Variants in DNAH9 observed in about 807,000 individuals in gnomAD.
DNAH9 encodes the protein DNAH9 variant protein.
A neutral mutation model predicts 471.6 loss-of-function variants in DNAH9; 345 were observed. The ratio of observed to expected loss-of-function variants is 0.73; its 90% CI spans 0.67 to 0.80. The LOEUF is 0.80. Ranked by LOEUF, DNAH9 falls within the 30% of genes least tolerant of loss-of-function variation. DNAH9 has a pLI of 0.00. For synonymous variants in DNAH9, 2,093 were observed against 2,123.6 expected (o/e 0.99, Z 0.40); for missense variants, 5,407 against 5,609.2 (o/e 0.96, Z 1.15).
intron 6 of DNAH9, 64 bp from the exon 7 acceptor site, chr17:11,629,353 G>T (rs1197510202): frequency 5.5e-6 from 8 of 1,446,340 alleles, no homozygotes; most frequent in African/African-American, 1.4e-5. Context: ...GCGGTGTTTG[G>T]TTTTTTGTCC....
chr17:11,869,014 T>C (rs1972163410), intron 50 of DNAH9, 120 bp from the exon 51 acceptor site: 1 of 1,211,218 alleles, frequency 8.3e-7, no homozygotes. Context: ...CCTGGTCCCA[T>C]AGGAATGCCC....
At chr17:11,609,372 C>T (rs926346706) in intron 2 of DNAH9, among the ~76,000 whole-genome samples, 10 of 152,046 alleles carry the variant, frequency 6.6e-5, no homozygotes, top group African/African-American at 1.9e-4. Flanking sequence ...TTCAAACTAC[C>T]CCTTTTCTAG....
In DNAH9 at chr17:11,679,983, A is replaced by C. The variant is rs775795034; in HGVS notation, c.3576+4A>C. 1.9e-6 allele frequency: 3 copies of C among 1,609,068 alleles called. No individual in the cohort carries two copies. In the South Asian group the frequency reaches 3.3e-5, roughly 18 times the overall value. On this transcript the variant is annotated splice_donor_region_variant and intron_variant, in intron 18 of 68. Transcript: ENST00000262442. The stretch of plus-strand genomic sequence containing the variant: ...AACAGTGTTTAAGCAGCTGGAGGTC[A>C]GTGCATTTATGTCTTCCTTATAAAA...
At chr17:11,824,405 A>C (rs1970417998) in intron 48 of DNAH9, among the ~76,000 whole-genome samples, 2 of 152,286 alleles carry the variant, frequency 1.3e-5, no homozygotes, top group East Asian at 3.9e-4. Flanking sequence ...GAGCCCTCGC[A>C]ATCTGTACAC....
At position 11,769,348 on chromosome 17, in the gene DNAH9, C is replaced by T; in HGVS notation, c.7552+19C>T. Reference sequence around the variant, plus strand: ...CTGCAGGGTAAGCAGCCCAGGGCACCTGGGGTGGGGGGCATCTGGGTGGCC... The same window carrying T: ...CTGCAGGGTAAGCAGCCCAGGGCACTTGGGGTGGGGGGCATCTGGGTGGCC... On this transcript the variant is annotated intron_variant, in intron 38 of 68. Transcript: ENST00000262442. The T allele has an allele frequency of 6.3e-7, 1 of 1,593,974 alleles. No homozygotes were observed. The highest frequency in any genetic ancestry group is 1.1e-5 in the South Asian group (1 of 88,988).
intron 49 of DNAH9, among the ~76,000 whole-genome samples, chr17:11,843,088 A>G (rs78032366): frequency 3.9e-5 from 6 of 152,198 alleles, no homozygotes; most frequent in African/African-American, 7.2e-5. Context: ...ATTCCATCTA[A>G]TGACAGAATC....
At chr17:11,678,924 T>C (rs1280195065) in intron 17 of DNAH9, among the ~76,000 whole-genome samples, 1 of 152,166 alleles carries the variant, frequency 6.6e-6, no homozygotes, top group Non-Finnish European at 1.5e-5. Context: ...TTTTTCCTTT[T>C]TTCTCTTTCT....
intron 20 of DNAH9, 137 bp downstream of exon 20, chr17:11,690,573 A>G (rs1403023631): frequency 9.1e-6 from 7 of 769,252 alleles, no homozygotes. Context: ...CTTCCCACAG[A>G]TGCTCACCTT....
At chr17:11,687,180 T>C (rs1035158210) in intron 19 of DNAH9, among the ~76,000 whole-genome samples, 3 of 152,090 alleles carry the variant, frequency 2.0e-5, no homozygotes, top group African/African-American at 4.8e-5. Context: ...TGTTCTGAAA[T>C]ATGTGGGAGC....
rs968776555 is a variant in DNAH9, at chr17:11,962,084, C to T, written c.13061C>T (p.Ser4354Leu). The T allele has an allele frequency of 3.7e-6, 6 of 1,614,046 alleles. No homozygotes were observed. The highest frequency in any genetic ancestry group is 1.6e-4 in the Middle Eastern group (1 of 6,084). Residue 4354 changes from serine to leucine, a missense_variant, in exon 68 of 69, where the codon TCG becomes TTG. Ser to Leu is a moderately radical substitution (Grantham distance 145). Transcript: ENST00000262442. This position sits in a 1 kb window ranked among gnomAD's most constrained non-coding sequence, Gnocchi z 4.1. The stretch of plus-strand genomic sequence containing the variant: ...CTGACAGGCTTCTTCAACCCCCAGT[C>T]GTTCCTGACTGCCATCATGCAGTCC... ...VWLTGFFNPQ[S>L]FLTAIMQSTA... is the part of the protein sequence containing the mutation.
At chr17:11,903,860 A>C (rs1026806544) in intron 60 of DNAH9, among the ~76,000 whole-genome samples, 4 of 151,960 alleles carry the variant, frequency 2.6e-5, no homozygotes, top group African/African-American at 9.7e-5. Flanking sequence ...GCAGTGAGCC[A>C]AGATTGCACC....
intron 32 of DNAH9, among the ~76,000 whole-genome samples, chr17:11,751,527 A>G (rs1197087009): frequency 2.0e-5 from 3 of 152,084 alleles, no homozygotes; most frequent in Non-Finnish European, 4.4e-5. Flanking sequence ...GATACTTAAA[A>G]TGCAATTCAT....
In DNAH9 at chr17:11,839,287, C is replaced by T. The variant is rs937711730; in HGVS notation, c.9507+4389C>T. ...ATCCCAGCACTTTGGGAGGCCGAGG[C>T]GGGCGGATCACGAGGTCAGGAGATC... On this transcript the variant is annotated intron_variant, in intron 49 of 68. Coordinates refer to ENST00000262442, the MANE Select transcript of DNAH9 (RefSeq NM_001372.4). Among the ~76,000 whole-genome samples, 20 of 152,126 alleles carry T rather than the reference C, an allele frequency of 1.3e-4. 1 individual carries two copies. The East Asian group carries it at 2.9e-3, about 22-fold the overall frequency.
chr17:11,705,394 CG>C, intron 26 of DNAH9: 1 of 519,610 alleles, frequency 1.9e-6, no homozygotes, highest in Non-Finnish European at 3.4e-6. Flanking sequence ...ATCAATGAGC[CG>C]TGACTTTTTG....
intron 48 of DNAH9, among the ~76,000 whole-genome samples, chr17:11,824,008 C>T (rs1049942469): frequency 6.6e-6 from 1 of 151,982 alleles, no homozygotes; most frequent in Non-Finnish European, 1.5e-5. Context: ...CTGTTTACTT[C>T]TCCAAATGGA....
chr17:11,957,811 A>G (rs1975732877), intron 67 of DNAH9, among the ~76,000 whole-genome samples: 2 of 152,150 alleles, frequency 1.3e-5, no homozygotes, highest in Admixed American at 6.5e-5. Flanking sequence ...CTTGGTTGTG[A>G]TATTGTACTA....
Position 11,636,802 on chromosome 17 carries a change from G to A in DNAH9, c.1786+18G>A. ...AGAACTTGGTAGGCTTGTTAAAGGGGATTTTGATGGGGACATTCTGTTACT... is the reference window on the plus strand; with the variant it reads ...AGAACTTGGTAGGCTTGTTAAAGGGAATTTTGATGGGGACATTCTGTTACT... On this transcript the variant is annotated intron_variant, in intron 9 of 68. Transcript: ENST00000262442. 2 of 1,611,312 alleles carry A rather than the reference G, an allele frequency of 1.2e-6. No individual in the cohort carries two copies. The highest frequency in any genetic ancestry group is 1.7e-6 in the Non-Finnish European group (2 of 1,177,690).
At chr17:11,936,977 G>A (rs552812412) in intron 65 of DNAH9, among the ~76,000 whole-genome samples, 1 of 152,292 alleles carries the variant, frequency 6.6e-6, no homozygotes, top group South Asian at 2.1e-4. Flanking sequence ...AAGAGCTTAC[G>A]TAAAATCACT....
At chr17:11,712,606 A>G (rs180708365) in intron 26 of DNAH9, among the ~76,000 whole-genome samples, 15 of 152,180 alleles carry the variant, frequency 9.9e-5, no homozygotes, top group Admixed American at 9.2e-4. Context: ...TTATTTCTTT[A>G]TAGCCATTCT....
Sources: allele counts gnomAD v4.1 joint callset (sites outside exome capture counted in the v4.1 genomes callset), GRCh38; gene constraint gnomAD v4.1.1; non-coding constraint Gnocchi (gnomAD v3.1); transcripts MANE v1.5; gene names NCBI Gene and HGNC (gene_info 2026-07-23, HGNC 2026-07-21).